BICD1: variants seen among roughly 807,000 people sequenced by gnomAD.
BICD1 encodes BICD cargo adaptor 1.
BICD1 carries 35 observed loss-of-function variants against 92.5 expected under a neutral mutation model. The observed-to-expected ratio is 0.38, with a 90% CI of 0.29 to 0.50. The LOEUF (loss-of-function observed/expected upper bound fraction) is 0.50, where lower values mean the gene tolerates loss of function less well. Among genes scored for constraint, BICD1 ranks in the 20% least tolerant of loss-of-function variants. The pLI is 0.93. For synonymous variants in BICD1, 429 were observed against 465.1 expected, an observed-to-expected ratio of 0.92 and a Z score of 1.00; for missense variants, 950 against 1,189.8, an observed-to-expected ratio of 0.80 and a Z score of 2.97.
intron 3 of BICD1, among the ~76,000 whole-genome samples, chr12:32,294,602 C>T (rs1462281391): frequency 3.5e-5 from 4 of 112,724 alleles, no homozygotes; most frequent in Admixed American, 1.2e-4. Flanking sequence ...GCCTTGGTGA[C>T]AGAGTGAGAC....
At chr12:32,241,751 C>T (rs1485367817) in intron 2 of BICD1, among the ~76,000 whole-genome samples, 2 of 152,118 alleles carry the variant, frequency 1.3e-5, no homozygotes, top group South Asian at 2.1e-4. Flanking sequence ...CAGACTTTCC[C>T]CAGTGTATCC....
intron 1 of BICD1, among the ~76,000 whole-genome samples, chr12:32,169,507 G>A (rs1463359528): frequency 6.6e-6 from 1 of 151,914 alleles, no homozygotes; most frequent in Admixed American, 6.6e-5. Flanking sequence ...TCAGACTCCT[G>A]GGCTCAAGCG....
At position 32,342,166 on chromosome 12, in the gene BICD1, GTA is replaced by G. The variant is rs1423103796; in HGVS notation, c.2764+3197_2764+3198del. 8.6e-4 allele frequency among the ~76,000 whole-genome samples: 107 copies of G among 123,946 alleles called. 1 individual carries two copies. Among genetic ancestry groups the G allele is most frequent in the Middle Eastern group, 9.7e-3 (2 of 206 alleles). 81.3% of individuals were successfully genotyped at this position (123,946 alleles called of 152,430 possible). A position where few individuals can be genotyped will look rare whatever the true frequency, so the allele number is the denominator to read the frequency against. On this transcript the variant is annotated intron_variant, in intron 8 of 9. Transcript: ENST00000652176. ...TGTATATATATGTGTGTATATATAT[GTA>G]TATATATATGTGTGTATATATATAT...
intron 1 of BICD1, among the ~76,000 whole-genome samples, chr12:32,212,643 C>G (rs1000640911): frequency 6.6e-6 from 1 of 152,146 alleles, no homozygotes; most frequent in Admixed American, 6.5e-5. Context: ...AGACTGGTTT[C>G]GAACGCCTGA....
intron 2 of BICD1, among the ~76,000 whole-genome samples, chr12:32,233,754 A>G (rs1226509201): frequency 6.6e-6 from 1 of 152,206 alleles, no homozygotes; most frequent in Non-Finnish European, 1.5e-5. Context: ...GTAGGCGGGC[A>G]AGTAATGCAT....
intron 2 of BICD1, among the ~76,000 whole-genome samples, chr12:32,274,163 T>G (rs1202793247): frequency 6.6e-6 from 1 of 152,164 alleles, no homozygotes; most frequent in Non-Finnish European, 1.5e-5. Flanking sequence ...TAGAAAAAAA[T>G]TGATCACATT....
At position 32,333,298 on chromosome 12, in the gene BICD1, G is replaced by A. The variant is rs1356239662; in HGVS notation, c.2101-1218G>A. 4.1e-6 allele frequency: 4 copies of A among 970,838 alleles called. No individual in the cohort carries two copies. In the East Asian group the frequency reaches 4.6e-4, roughly 111 times the overall value. The allele number at this position is 970,838 out of a possible 1,614,324, so 60.1% of individuals were successfully genotyped here. A position where few individuals can be genotyped will look rare whatever the true frequency, so the allele number is the denominator to read the frequency against. On this transcript the variant is annotated intron_variant, in intron 5 of 9. Transcript: ENST00000652176. ...GTAATATTTCTGAAGATTCCTCCAA[G>A]TATTTACAGAACATACAGAAGTATT...
Position 32,108,675 on chromosome 12 carries a change from C to G in BICD1, c.213+1131C>G, listed in dbSNP as rs760811341. The G allele has an allele frequency of 7.2e-6, 5 of 698,046 alleles. No homozygotes were observed. In the South Asian group the frequency reaches 7.5e-5, roughly 10 times the overall value. 43.2% of individuals were successfully genotyped at this position (698,046 alleles called of 1,614,324 possible). A position where few individuals can be genotyped will look rare whatever the true frequency, so the allele number is the denominator to read the frequency against. On this transcript the variant is annotated intron_variant, in intron 1 of 9. Transcript: ENST00000652176. ...AGATGTGATTTATGACATACTGAAT[C>G]AACTTGCCTTCCAATTTAGTGTGTA... is the stretch of plus-strand genomic sequence containing the variant.
chr12:32,122,212 C>T (rs926384832), intron 1 of BICD1, among the ~76,000 whole-genome samples: 1 of 151,756 alleles, frequency 6.6e-6, no homozygotes, highest in African/African-American at 2.4e-5. Flanking sequence ...TTTGGGAGGC[C>T]GAGGTGGGTG....
At chr12:32,287,727 C>T (rs1294524744) in intron 2 of BICD1, among the ~76,000 whole-genome samples, 7 of 152,082 alleles carry the variant, frequency 4.6e-5, no homozygotes, top group Non-Finnish European at 8.8e-5. Flanking sequence ...TTAGTAGAAA[C>T]GAGGTTTCAC....
chr12:32,370,960 G>A (rs1939716963), intron 9 of BICD1, among the ~76,000 whole-genome samples: 1 of 152,118 alleles, frequency 6.6e-6, no homozygotes, highest in Non-Finnish European at 1.5e-5. Context: ...TGCCTCAGAA[G>A]ACTACTGCTT....
At chr12:32,195,743 A>G (rs939878392) in intron 1 of BICD1, among the ~76,000 whole-genome samples, 2 of 152,202 alleles carry the variant, frequency 1.3e-5, no homozygotes, top group African/African-American at 4.8e-5. Context: ...AATGACAACA[A>G]AAGCACAGGC....
chr12:32,355,771 G>A (rs1442663338), intron 8 of BICD1, among the ~76,000 whole-genome samples: 1 of 151,646 alleles, frequency 6.6e-6, no homozygotes, highest in African/African-American at 2.4e-5. Flanking sequence ...TCACGCCACT[G>A]CACTCCAGCC....
chr12:32,281,973 A>G (rs1236611864), intron 2 of BICD1, among the ~76,000 whole-genome samples: 1 of 152,186 alleles, frequency 6.6e-6, no homozygotes, highest in Non-Finnish European at 1.5e-5. Flanking sequence ...GCCAATAAAC[A>G]CACAAAGAAA....
chr12:32,175,805 T>C (rs1053376158), intron 1 of BICD1, among the ~76,000 whole-genome samples: 3 of 152,248 alleles, frequency 2.0e-5, no homozygotes, highest in Non-Finnish European at 4.4e-5. Context: ...GCAACTGTAA[T>C]GTAACGATAG....
intron 2 of BICD1, among the ~76,000 whole-genome samples, chr12:32,289,898 ACT>A (rs1301727105): frequency 2.6e-5 from 4 of 152,190 alleles, no homozygotes; most frequent in Admixed American, 6.5e-5. Flanking sequence ...AAGTTGGCAA[ACT>A]CTATTTTCAG....
intron 4 of BICD1, among the ~76,000 whole-genome samples, chr12:32,312,494 A>C (rs914792243): frequency 2.0e-5 from 3 of 152,224 alleles, no homozygotes; most frequent in African/African-American, 7.2e-5. Flanking sequence ...CGAGATGCCA[A>C]GAAGGTCCCC....
intron 1 of BICD1, among the ~76,000 whole-genome samples, chr12:32,119,501 C>T (rs1200005741): frequency 6.6e-6 from 1 of 152,192 alleles, no homozygotes; most frequent in Non-Finnish European, 1.5e-5. Context: ...CTTAGAGATG[C>T]AGCCAGGGTA....
In BICD1 at chr12:32,337,124, G is replaced by A. The variant is rs1938161523; in HGVS notation, c.2253-375G>A. On this transcript the variant is annotated intron_variant, in intron 6 of 9. Coordinates refer to ENST00000652176, the MANE Select transcript of BICD1 (RefSeq NM_001714.4). The surrounding 1 kb of genome is among the most constrained non-coding windows in gnomAD (Gnocchi z 4.7). ...TAGCTTGGCATGGTGGCACACTCCT[G>A]TAATTCCAGCAACTCGGCAGGCTGA... Among the ~76,000 whole-genome samples, 2 of 152,150 alleles carry A rather than the reference G, an allele frequency of 1.3e-5. No individual in the cohort carries two copies. Among genetic ancestry groups the A allele is most frequent in the Non-Finnish European group, 2.9e-5 (2 of 68,020 alleles).
Sources: gnomAD v4.1 joint callset for allele counts (sites outside exome capture counted in the v4.1 genomes callset) on GRCh38, gnomAD v4.1.1 for gene constraint, Gnocchi (gnomAD v3.1) non-coding constraint, MANE v1.5 for transcripts, NCBI Gene and HGNC (gene_info 2026-07-23, HGNC 2026-07-21) for gene names.